The following NRG3 variants were observed in gnomAD, a reference collection of about 807,000 sequenced individuals.
NRG3 encodes pro-neuregulin-3, membrane-bound isoform.
A neutral mutation model predicts 66.9 loss-of-function variants in NRG3; 31 were observed. The observed-to-expected ratio is 0.46, with a 90% CI of 0.35 to 0.63. NRG3 has a LOEUF of 0.63. Among genes scored for constraint, NRG3 ranks in the 20% least tolerant of loss-of-function variants. The pLI is 0.00. For missense variants in NRG3, 910 were observed against 878.9 expected, an observed-to-expected ratio of 1.04 and a Z score of -0.45; for synonymous variants, 393 against 359.4, an observed-to-expected ratio of 1.09 and a Z score of -1.06.
chr10:82,353,931 A>G (rs2083598038), intron 1 of NRG3, among the ~76,000 whole-genome samples: 1 of 151,212 alleles, frequency 6.6e-6, no homozygotes, highest in African/African-American at 2.4e-5. Context: ...CTCTTTCTCT[A>G]AGTTGTTTTG....
intron 2 of NRG3, among the ~76,000 whole-genome samples, chr10:82,682,454 A>T (rs1175219469): frequency 6.6e-6 from 1 of 152,140 alleles, no homozygotes. Flanking sequence ...ATTAGGAGAT[A>T]GAAAATGTCT....
chr10:81,989,394 G>T (rs900089069), intron 1 of NRG3, among the ~76,000 whole-genome samples: 2 of 151,962 alleles, frequency 1.3e-5, no homozygotes, highest in Non-Finnish European at 2.9e-5. Context: ...GGACCCAGTC[G>T]CATACCTTAA....
rs757738663 is a variant in NRG3, at chr10:81,876,148, A to G, written c.808A>G (p.Thr270Ala). 6.3e-7 allele frequency: 1 copy of G among 1,590,244 alleles called. No homozygotes were observed. The highest frequency in any genetic ancestry group is 8.6e-7 in the Non-Finnish European group (1 of 1,168,150). ...SATTTTPETS[T>A]SPKFHTTTYS... ...TACCACCACCACACCAGAAACTAGC[A>G]CCAGCCCCAAATTTCGTAAGTAAAC... The change falls in exon 1 of 9, where the codon ACC becomes GCC. Residue 270 changes from threonine (T) to alanine (A), a missense_variant. Physicochemically the swap from Thr to Ala is moderately conservative, Grantham distance 58 (BLOSUM62 0). Transcript: ENST00000372141.
rs767969125 is a variant in NRG3 at position 82,343,490 on chromosome 10, A to G, written c.824-15249A>G. Among the ~76,000 whole-genome samples the G allele has an allele frequency of 3.3e-5, 5 of 152,170 alleles. No individual in the cohort carries two copies. In the South Asian group the frequency reaches 1.0e-3, roughly 32 times the overall value. ...CTGCCCAAAGCAATGTACATATTCAACACCATTTGATTACATTACCAATGT... is the reference window on the plus strand; with the variant it reads ...CTGCCCAAAGCAATGTACATATTCAGCACCATTTGATTACATTACCAATGT... On this transcript the variant is annotated intron_variant, in intron 1 of 8. Coordinates refer to ENST00000372141, the MANE Select transcript of NRG3 (RefSeq NM_001010848.4).
intron 2 of NRG3, among the ~76,000 whole-genome samples, chr10:82,532,204 C>T (rs1042284740): frequency 1.3e-5 from 2 of 151,452 alleles, no homozygotes; most frequent in African/African-American, 4.8e-5. Flanking sequence ...ACTAATGTTG[C>T]CCTATTATGC....
At chr10:82,202,637 G>A (rs905896288) in intron 1 of NRG3, among the ~76,000 whole-genome samples, 5 of 152,076 alleles carry the variant, frequency 3.3e-5, no homozygotes, top group East Asian at 1.9e-4. Flanking sequence ...TCCTGTGGTC[G>A]GAATGCTCTG....
chr10:82,655,206 A>C (rs986383869), intron 2 of NRG3, among the ~76,000 whole-genome samples: 2 of 152,116 alleles, frequency 1.3e-5, no homozygotes, highest in African/African-American at 4.8e-5. Flanking sequence ...ATACTTTCTT[A>C]ATGAAAAATA....
intron 4 of NRG3, among the ~76,000 whole-genome samples, chr10:82,916,649 C>G (rs1845857122): frequency 6.7e-6 from 1 of 149,052 alleles, no homozygotes; most frequent in African/African-American, 2.5e-5. Flanking sequence ...TTTTTTGAGA[C>G]AGAGCCTTGC....
At chr10:82,327,909 T>C (rs1359985261) in intron 1 of NRG3, among the ~76,000 whole-genome samples, 1 of 152,140 alleles carries the variant, frequency 6.6e-6, no homozygotes, top group African/African-American at 2.4e-5. Flanking sequence ...TCATAGCAAT[T>C]CTCTATCCAC....
At chr10:82,381,379 C>T (rs1229146561) in intron 2 of NRG3, among the ~76,000 whole-genome samples, 2 of 152,130 alleles carry the variant, frequency 1.3e-5, no homozygotes, top group Non-Finnish European at 2.9e-5. Context: ...GGACACTATT[C>T]TGAATGCTTA....
At chr10:81,963,126 T>C (rs2059586608) in intron 1 of NRG3, among the ~76,000 whole-genome samples, 1 of 68,960 alleles carries the variant, frequency 1.5e-5, no homozygotes, top group Non-Finnish European at 2.6e-5. Flanking sequence ...ACGAGGGCTC[T>C]TTTTTTTTTT....
In NRG3 at chr10:82,684,375, A is replaced by G. The variant is rs555983712; in HGVS notation, c.954-54202A>G. Among the ~76,000 whole-genome samples, 3 of 152,310 alleles carry G rather than the reference A, an allele frequency of 2.0e-5. No homozygotes were observed. In the South Asian group the frequency reaches 6.2e-4, roughly 32 times the overall value. ...TACATTTTTTCCTAGTTTTTGAAAA[A>G]TATTTTAAATTGAACCCAAAGGCAA... On this transcript the variant is annotated intron_variant, in intron 2 of 8. Transcript: ENST00000372141.
At chr10:82,614,023 C>T (rs2048479623) in intron 2 of NRG3, among the ~76,000 whole-genome samples, 1 of 151,974 alleles carries the variant, frequency 6.6e-6, no homozygotes, top group African/African-American at 2.4e-5. Flanking sequence ...CCTCAGCCTC[C>T]CAAGTAGCTG....
At chr10:82,521,531 G>A (rs1846179461) in intron 2 of NRG3, among the ~76,000 whole-genome samples, 1 of 152,036 alleles carries the variant, frequency 6.6e-6, no homozygotes, top group African/African-American at 2.4e-5. Flanking sequence ...TAGTAGAGAA[G>A]GGGTTTCACC....
chr10:82,986,895 G>A lies in NRG3; in HGVS notation c.*1290G>A, dbSNP rs1176995397. On this transcript the variant is annotated 3_prime_UTR_variant, in exon 9 of 9. Transcript: ENST00000372141. ...TCGGCTTCTGTGGTTAGTATGGGAAGAATAAATTGTTGAAATAAAAATACC... is the reference window on the plus strand; with the variant it reads ...TCGGCTTCTGTGGTTAGTATGGGAAAAATAAATTGTTGAAATAAAAATACC... 6.6e-6 allele frequency: 1 copy of A among 152,104 alleles called. No homozygotes were observed. Among genetic ancestry groups the A allele is most frequent in the African/African-American group, 2.4e-5 (1 of 41,406 alleles). 9.4% of individuals were successfully genotyped at this position (152,104 alleles called of 1,614,324 possible).
intron 1 of NRG3, among the ~76,000 whole-genome samples, chr10:82,217,249 C>T (rs2075734196): frequency 6.6e-6 from 1 of 152,138 alleles, no homozygotes; most frequent in Admixed American, 6.6e-5. Flanking sequence ...TGTGGCTGTG[C>T]CTCTGGCAAG....
intron 1 of NRG3, among the ~76,000 whole-genome samples, chr10:81,910,285 G>T (rs1845004618): frequency 1.3e-5 from 2 of 152,128 alleles, no homozygotes; most frequent in Admixed American, 1.3e-4. Context: ...AGAGTAAAGA[G>T]AAATAACTAC....
At chr10:82,435,468 T>C (rs191574797) in intron 2 of NRG3, among the ~76,000 whole-genome samples, 46 of 152,286 alleles carry the variant, frequency 3.0e-4, no homozygotes, top group Non-Finnish European at 5.4e-4. Flanking sequence ...CTGATCTTAG[T>C]TATTCCTTGT....
At chr10:82,172,780 C>T (rs1407462127) in intron 1 of NRG3, among the ~76,000 whole-genome samples, 4 of 152,034 alleles carry the variant, frequency 2.6e-5, no homozygotes, top group Admixed American at 2.0e-4. Flanking sequence ...TCCCGCTTGA[C>T]CCATAATGTA....
Sources: gnomAD v4.1 joint callset for allele counts (sites outside exome capture counted in the v4.1 genomes callset) on GRCh38, gnomAD v4.1.1 for gene constraint, MANE v1.5 for transcripts, NCBI Gene and HGNC (gene_info 2026-07-23, HGNC 2026-07-21) for gene names.